The following GLIS3 variants were observed in gnomAD, a reference collection of about 807,000 sequenced individuals.
GLIS3 encodes GLIS family zinc finger 3.
Under a neutral mutation model 78.6 loss-of-function variants are expected in GLIS3, and 53 were observed. That is an observed-to-expected ratio of 0.67 (90% CI 0.54 to 0.85). GLIS3 has a LOEUF of 0.85. Among genes scored for constraint, GLIS3 ranks in the 40% least tolerant of loss-of-function variants. The pLI is 0.00. For synonymous variants in GLIS3, 684 were observed against 509.9 expected (o/e 1.34, Z -4.60); for missense variants, 1,703 against 1,231.1 (o/e 1.38, Z -5.74).
chr9:4,186,084 T>C, intron 2 of GLIS3, among the ~76,000 whole-genome samples: 1 of 152,052 alleles, frequency 6.6e-6, no homozygotes, highest in African/African-American at 2.4e-5. Context: ...TGTGCCATGC[T>C]GGTGTGCTGC....
intron 4 of GLIS3, among the ~76,000 whole-genome samples, chr9:4,098,384 G>A (rs747594563): frequency 2.6e-5 from 4 of 152,176 alleles, no homozygotes; most frequent in Non-Finnish European, 4.4e-5. Context: ...GAAGATGAAT[G>A]ATATAGAAGG....
At chr9:4,297,840 G>A (rs952458208) in intron 1 of GLIS3, among the ~76,000 whole-genome samples, 3 of 152,192 alleles carry the variant, frequency 2.0e-5, no homozygotes, top group Non-Finnish European at 4.4e-5. Context: ...CGGGAGCGGG[G>A]GAGAGGCGCG....
chr9:3,849,456 T>C (rs948652858), intron 9 of GLIS3, among the ~76,000 whole-genome samples: 3 of 152,192 alleles, frequency 2.0e-5, no homozygotes, highest in Non-Finnish European at 4.4e-5. Context: ...TGCCTGAAAC[T>C]GGGACAAGAT....
intron 9 of GLIS3, among the ~76,000 whole-genome samples, chr9:3,841,247 C>T (rs1818696173): frequency 6.6e-6 from 1 of 152,128 alleles, no homozygotes; most frequent in African/African-American, 2.4e-5. Flanking sequence ...CAGTAATTGC[C>T]ATGTGTGGAT....
chr9:3,995,473 CAG>C (rs762867229), intron 4 of GLIS3, among the ~76,000 whole-genome samples: 2 of 151,686 alleles, frequency 1.3e-5, no homozygotes, highest in Non-Finnish European at 2.9e-5. Flanking sequence ...GTAGAAAACA[CAG>C]TGTAGAAAAT....
intron 2 of GLIS3, among the ~76,000 whole-genome samples, chr9:4,335,945 G>A (rs972928494): frequency 6.6e-6 from 1 of 152,168 alleles, no homozygotes; most frequent in South Asian, 2.1e-4. Flanking sequence ...GCGGACTTCG[G>A]TAAATTTACT....
At chr9:4,157,759 C>A (rs1204577085) in intron 2 of GLIS3, among the ~76,000 whole-genome samples, 1 of 152,116 alleles carries the variant, frequency 6.6e-6, no homozygotes, top group Non-Finnish European at 1.5e-5. Flanking sequence ...AGCATGTTAT[C>A]CAAGATGTCA....
At chr9:4,397,262 T>C in the GLIS3 span, among the ~76,000 whole-genome samples, 1 of 148,710 alleles carries the variant, frequency 6.7e-6, no homozygotes, top group Non-Finnish European at 1.5e-5. Context: ...CCTGACCTCG[T>C]GATCCGCCCG....
At chr9:4,145,576 G>A (rs1028867844) in intron 2 of GLIS3, among the ~76,000 whole-genome samples, 2 of 152,042 alleles carry the variant, frequency 1.3e-5, no homozygotes, top group African/African-American at 4.8e-5. Context: ...CATTCAAAAA[G>A]CCCATAATGC....
chr9:4,214,388 T>A (rs1820640230), intron 2 of GLIS3, among the ~76,000 whole-genome samples: 1 of 152,216 alleles, frequency 6.6e-6, no homozygotes, highest in South Asian at 2.1e-4. Context: ...TGTCACAACA[T>A]GTGTCGGAAT....
intron 2 of GLIS3, among the ~76,000 whole-genome samples, chr9:4,194,249 G>A (rs749963534): frequency 1.3e-4 from 19 of 151,936 alleles, no homozygotes; most frequent in Non-Finnish European, 1.8e-4. Flanking sequence ...TAGTAGAGAC[G>A]GGGTTTCACC....
intron 4 of GLIS3, among the ~76,000 whole-genome samples, chr9:4,111,982 T>C (rs892874021): frequency 6.6e-6 from 1 of 152,226 alleles, no homozygotes; most frequent in Non-Finnish European, 1.5e-5. Flanking sequence ...GAAATGTCCA[T>C]AGTAGCAAAA....
intron 2 of GLIS3, among the ~76,000 whole-genome samples, chr9:4,322,888 T>C (rs568276562): frequency 2.8e-4 from 43 of 152,344 alleles, no homozygotes; most frequent in Non-Finnish European, 5.4e-4. Flanking sequence ...GGTAGTTTCT[T>C]TTGCTGTGCA....
At chr9:4,050,846 C>T (rs1370291397) in intron 4 of GLIS3, among the ~76,000 whole-genome samples, 1 of 152,102 alleles carries the variant, frequency 6.6e-6, no homozygotes, top group Non-Finnish European at 1.5e-5. Context: ...GATGGGCCTC[C>T]ACGTAAGAGG....
chr9:4,116,642 A>C (rs1770396), intron 4 of GLIS3, among the ~76,000 whole-genome samples: 47,793 of 152,192 alleles, frequency 0.31, 9,118 homozygotes, highest in African/African-American at 0.53. Context: ...AATCAAGCAT[A>C]CACATAGTCC....
At chr9:4,093,213 A>G (rs900485217) in intron 4 of GLIS3, among the ~76,000 whole-genome samples, 1 of 152,092 alleles carries the variant, frequency 6.6e-6, no homozygotes, top group African/African-American at 2.4e-5. Flanking sequence ...AAATCCAGGC[A>G]GTCTGGCTCC....
chr9:3,879,794 T>G (rs1263365332), intron 7 of GLIS3, among the ~76,000 whole-genome samples, 199 bp from the exon 8 acceptor site: 3 of 152,150 alleles, frequency 2.0e-5, no homozygotes, highest in Non-Finnish European at 2.9e-5. Flanking sequence ...AGCTCACGTC[T>G]GGCTCGCTTC....
the GLIS3 span, among the ~76,000 whole-genome samples, chr9:4,416,709 A>G: frequency 6.6e-6 from 1 of 150,920 alleles, no homozygotes; most frequent in Non-Finnish European, 1.5e-5. Flanking sequence ...TTTCATCACA[A>G]CCATTTTTCT....
At chr9:4,186,375 C>A (rs1817797202) in intron 2 of GLIS3, among the ~76,000 whole-genome samples, 1 of 152,066 alleles carries the variant, frequency 6.6e-6, no homozygotes, top group Non-Finnish European at 1.5e-5. Flanking sequence ...ATATGTGCCA[C>A]ATTTTCTTAA....
Sources: allele counts gnomAD v4.1 joint callset (sites outside exome capture counted in the v4.1 genomes callset), GRCh38; gene constraint gnomAD v4.1.1; transcripts MANE v1.5; gene names NCBI Gene and HGNC (gene_info 2026-07-23, HGNC 2026-07-21).